The following ASCC2 variants were observed in gnomAD, a reference collection of about 807,000 sequenced individuals.
The protein encoded by ASCC2 is activating signal cointegrator 1 complex subunit 2, also known as ASC-1 complex subunit P100.
ASCC2 carries 42 observed loss-of-function variants against 93.5 expected under a neutral mutation model. That is an observed-to-expected ratio of 0.45 (90% confidence interval 0.35 to 0.58). The LOEUF (loss-of-function observed/expected upper bound fraction) is 0.58. Among genes scored for constraint, ASCC2 ranks in the 20% least tolerant of loss-of-function variants. The pLI is 0.00. For synonymous variants in ASCC2, 364 were observed against 384.2 expected (o/e 0.95, Z 0.62); for missense variants, 859 against 977.6 (o/e 0.88, Z 1.62).
rs201718136 is a variant in ASCC2, at chr22:29,832,272, T to C, written c.54A>G (p.Thr18=). 5.1e-5 allele frequency: 83 copies of C among 1,614,064 alleles called. 1 individual carries two copies. Among genetic ancestry groups the C allele is most frequent in the South Asian group, 4.6e-4 (42 of 91,076 alleles). Reference sequence around the variant, plus strand: ...GCGCTGGTGAAGTCCTCAGCTTTCCTGTCTTCGGGTCCTTGTGGGTGATCT... The same window carrying C: ...GCGCTGGTGAAGTCCTCAGCTTTCCCGTCTTCGGGTCCTTGTGGGTGATCT... ...QLQITHKDPK[T]GKLRTSPALH... is the part of the protein sequence containing the mutation. The change falls in exon 2 of 20, where the codon ACA becomes ACG. Residue 18 remains threonine (T), a synonymous_variant. Transcript: ENST00000307790.
chr22:29,833,151 C>T (rs546284004), intron 1 of ASCC2, among the ~76,000 whole-genome samples: 13 of 152,302 alleles, frequency 8.5e-5, no homozygotes, highest in Admixed American at 3.9e-4. Context: ...GCTCTGTGAG[C>T]TCAGTAGCCT....
intron 8 of ASCC2, among the ~76,000 whole-genome samples, chr22:29,811,202 A>C (rs1046503089): frequency 1.3e-5 from 2 of 152,258 alleles, no homozygotes; most frequent in Admixed American, 1.3e-4. Context: ...AAATGCAAAC[A>C]GTAAATACTC....
Position 29,806,273 on chromosome 22 carries a change from T to C in ASCC2, c.1103A>G (p.Asp368Gly). Reference sequence around the variant, plus strand: ...GTCTTCGGCCACGGGGAAGAGTGCATCATAGTCCCGGAGGAACCTGCAGGC... The same window carrying C: ...GTCTTCGGCCACGGGGAAGAGTGCACCATAGTCCCGGAGGAACCTGCAGGC... ...LQEKRFLRDYDALFPVAEDIS... is the reference protein window; with the variant it reads ...LQEKRFLRDYGALFPVAEDIS... Residue 368 changes from aspartate to glycine, a missense_variant, in exon 12 of 20, where the codon GAT (aspartate) becomes GGT (glycine). By Grantham distance (94) the Asp-to-Gly change is moderately conservative (BLOSUM62 -1). Transcript: ENST00000307790. 1 of 1,614,044 alleles carries C rather than the reference T, an allele frequency of 6.2e-7. No individual in the cohort carries two copies. The highest frequency in any genetic ancestry group is 8.5e-7 in the Non-Finnish European group (1 of 1,180,004).
At chr22:29,790,745 C>T (rs940768370) in intron 18 of ASCC2, among the ~76,000 whole-genome samples, 197 bp from the exon 19 acceptor site, 1 of 152,212 alleles carries the variant, frequency 6.6e-6, no homozygotes, top group Admixed American at 6.5e-5. Context: ...CCCCCTGCCC[C>T]ACCTCTTCCC....
chr22:29,818,022 C>T (rs1451517769), intron 5 of ASCC2, among the ~76,000 whole-genome samples: 2 of 150,408 alleles, frequency 1.3e-5, no homozygotes, highest in African/African-American at 2.5e-5. Flanking sequence ...TGCACAATAC[C>T]AGCCTTGAAA....
At chr22:29,817,297 C>G (rs2060976332) in intron 5 of ASCC2, among the ~76,000 whole-genome samples, 1 of 152,144 alleles carries the variant, frequency 6.6e-6, no homozygotes, top group Non-Finnish European at 1.5e-5. Flanking sequence ...TATCTCCCCA[C>G]CAAACTCTGT....
rs191512111 is a variant in ASCC2, at chr22:29,834,615, T to C, written c.-17-2273A>G. On this transcript the variant is annotated intron_variant, in intron 1 of 19. Transcript: ENST00000307790. The stretch of plus-strand genomic sequence containing the variant: ...TTAGGTAAGTTTTCATCTTTCAGCT[T>C]TGCAAAGCATAGATAATATCCTCTG... The C allele has an allele frequency of 8.5e-6, 4 of 469,288 alleles. No homozygotes were observed. In the East Asian group the frequency reaches 2.8e-4, roughly 33 times the overall value. The allele number at this position is 469,288 out of a possible 1,614,324, so 29.1% of individuals were successfully genotyped here. A position where few individuals can be genotyped will look rare whatever the true frequency, so the allele number is the denominator to read the frequency against.
chr22:29,822,884 T>C (rs1386191980), intron 4 of ASCC2, among the ~76,000 whole-genome samples: 2 of 151,796 alleles, frequency 1.3e-5, no homozygotes, highest in Non-Finnish European at 2.9e-5. Flanking sequence ...AACGCCTGGC[T>C]AATTTTTGTA....
At chr22:29,822,559 A>T in intron 4 of ASCC2, 95 bp from the exon 5 acceptor site, 1 of 1,453,914 alleles carries the variant, frequency 6.9e-7, no homozygotes, top group Non-Finnish European at 9.4e-7. Flanking sequence ...GGTTCCATCA[A>T]ATGGGGACTG....
intron 2 of ASCC2, among the ~76,000 whole-genome samples, chr22:29,831,652 C>T (rs895044354): frequency 6.6e-6 from 1 of 152,190 alleles, no homozygotes; most frequent in African/African-American, 2.4e-5. Context: ...GGTATAGGAA[C>T]TCCAGGGCTA....
chr22:29,789,304 T>C, intron 19 of ASCC2, 120 bp from the exon 20 acceptor site: 1 of 1,194,560 alleles, frequency 8.4e-7, no homozygotes, highest in Non-Finnish European at 1.2e-6. Context: ...TGGTCACTCA[T>C]GTCCCAACTT....
chr22:29,827,910 A>G (rs1211945766), intron 2 of ASCC2, among the ~76,000 whole-genome samples: 1 of 140,996 alleles, frequency 7.1e-6, no homozygotes, highest in Non-Finnish European at 1.5e-5. Flanking sequence ...ACACACACAC[A>G]CACACACACA....
At chr22:29,809,794 T>C (rs2060084540) in intron 8 of ASCC2, 1 of 151,602 alleles carries the variant, frequency 6.6e-6, no homozygotes. Flanking sequence ...AATTTAAAAA[T>C]TGTAAAATTA....
Position 29,822,470 on chromosome 22 carries a change from G to T in ASCC2, c.412-6C>A. 1.2e-6 allele frequency: 2 copies of T among 1,613,092 alleles called. No individual in the cohort carries two copies. Among genetic ancestry groups the T allele is most frequent in the South Asian group, 1.1e-5 (1 of 91,038 alleles). On this transcript the variant is annotated splice_region_variant and splice_polypyrimidine_tract_variant and intron_variant, in intron 4 of 19. Transcript: ENST00000307790. ...GAAGGGGAAATGAAGTGATCCTAAG[G>T]AAAAATGCAGAGAGAAAGGATAGAG...
intron 4 of ASCC2, among the ~76,000 whole-genome samples, chr22:29,823,706 G>C (rs1357835129): frequency 6.6e-6 from 1 of 152,152 alleles, no homozygotes; most frequent in Non-Finnish European, 1.5e-5. Flanking sequence ...AAATTAGCTG[G>C]GAGTGGTGGC....
chr22:29,837,003 TA>T (rs1170629707), intron 1 of ASCC2, among the ~76,000 whole-genome samples: 1 of 152,086 alleles, frequency 6.6e-6, no homozygotes, highest in Non-Finnish European at 1.5e-5. Context: ...TACAAACAAA[TA>T]AAAACCAATA....
At position 29,825,888 on chromosome 22, in the gene ASCC2, C is replaced by T. The variant is rs906654564; in HGVS notation, c.82-108G>A. The T allele has an allele frequency of 1.5e-6, 2 of 1,345,494 alleles. No individual in the cohort carries two copies. The highest frequency in any genetic ancestry group is 2.0e-6 in the Non-Finnish European group (2 of 979,394). The allele number at this position is 1,345,494 out of a possible 1,614,324, so 83.3% of individuals were successfully genotyped here. ...TTGGCTGTTCCAACCGGTGACCCTCCAAGGAGCTTTTAAGCATAAAGAACC... is the reference window on the plus strand; with the variant it reads ...TTGGCTGTTCCAACCGGTGACCCTCTAAGGAGCTTTTAAGCATAAAGAACC... On this transcript the variant is annotated intron_variant, in intron 2 of 19. Coordinates refer to ENST00000307790, the MANE Select transcript of ASCC2 (RefSeq NM_032204.5). This position sits in a 1 kb window ranked among gnomAD's most constrained non-coding sequence, Gnocchi z 4.9.
At position 29,825,832 on chromosome 22, in the gene ASCC2, C is replaced by T; in HGVS notation, c.82-52G>A. The T allele has an allele frequency of 1.3e-6, 2 of 1,556,234 alleles. No homozygotes were observed. The highest frequency in any genetic ancestry group is 8.7e-7 in the Non-Finnish European group (1 of 1,149,034). ...CGTGGCAGAGGTTAGTCAGCGAGGGCCCATTTGCCAACCCACAGCAATGAC... is the reference window on the plus strand; with the variant it reads ...CGTGGCAGAGGTTAGTCAGCGAGGGTCCATTTGCCAACCCACAGCAATGAC... On this transcript the variant is annotated intron_variant, in intron 2 of 19. Coordinates refer to ENST00000307790, the MANE Select transcript of ASCC2 (RefSeq NM_032204.5). This position sits in a 1 kb window ranked among gnomAD's most constrained non-coding sequence, Gnocchi z 4.9.
At chr22:29,824,049 C>T (rs903304400) in intron 4 of ASCC2, among the ~76,000 whole-genome samples, 4 of 151,642 alleles carry the variant, frequency 2.6e-5, no homozygotes, top group East Asian at 1.9e-4. Context: ...TTAAATTAGC[C>T]GGGTGTGGTG....
Sources: allele counts gnomAD v4.1 joint callset (sites outside exome capture counted in the v4.1 genomes callset), GRCh38; gene constraint gnomAD v4.1.1; non-coding constraint Gnocchi (gnomAD v3.1); transcripts MANE v1.5; gene names NCBI Gene and HGNC (gene_info 2026-07-23, HGNC 2026-07-21).